L3MBTL4: variants seen among roughly 807,000 people sequenced by gnomAD.
The protein encoded by L3MBTL4 is lethal(3)malignant brain tumor-like protein 4.
A neutral mutation model predicts 84.5 loss-of-function variants in L3MBTL4; 70 were observed. The observed-to-expected ratio is 0.83, with a 90% CI of 0.68 to 1.01. L3MBTL4 has a LOEUF of 1.01. L3MBTL4 is among the 50% of genes least tolerant of loss of function. The probability of loss-of-function intolerance (pLI) is 0.00; values close to 1 mark genes in which losing one functional copy is unlikely to be tolerated. For missense variants in L3MBTL4, 715 were observed against 754.8 expected (o/e 0.95, Z 0.62); for synonymous variants, 274 against 259.8 (o/e 1.05, Z -0.52).
At chr18:6,022,863 G>A (rs1015226177) in intron 16 of L3MBTL4, among the ~76,000 whole-genome samples, 2 of 152,216 alleles carry the variant, frequency 1.3e-5, no homozygotes, top group African/African-American at 4.8e-5. Flanking sequence ...CAAAGGCAGA[G>A]GTGCTGCTGT....
At chr18:6,332,716 G>A (rs2052103940) in intron 1 of L3MBTL4, among the ~76,000 whole-genome samples, 1 of 152,228 alleles carries the variant, frequency 6.6e-6, no homozygotes, top group Non-Finnish European at 1.5e-5. Context: ...AGTGTTGGGA[G>A]TGACTAGCCT....
intron 16 of L3MBTL4, among the ~76,000 whole-genome samples, chr18:5,999,677 A>G (rs368228452): frequency 3.2e-4 from 48 of 152,354 alleles, no homozygotes; most frequent in African/African-American, 1.1e-3. Flanking sequence ...AGGCAGATAA[A>G]TTCCCTAGAT....
chr18:6,044,971 G>C (rs1020576083), intron 16 of L3MBTL4, among the ~76,000 whole-genome samples: 1 of 152,180 alleles, frequency 6.6e-6, no homozygotes, highest in African/African-American at 2.4e-5. Flanking sequence ...CCACCTGCTG[G>C]TGGACAACAG....
At chr18:5,976,843 A>G (rs1318888425) in intron 16 of L3MBTL4, among the ~76,000 whole-genome samples, 1 of 152,212 alleles carries the variant, frequency 6.6e-6, no homozygotes, top group Non-Finnish European at 1.5e-5. Flanking sequence ...TCAGAGTTAG[A>G]GCCACTTTCT....
intron 13 of L3MBTL4, among the ~76,000 whole-genome samples, chr18:6,155,948 T>A (rs1442484026): frequency 6.6e-6 from 1 of 152,108 alleles, no homozygotes; most frequent in Non-Finnish European, 1.5e-5. Context: ...AATAAAACTA[T>A]GACGTATTTT....
At chr18:6,240,146 T>G (rs1343605853) in intron 8 of L3MBTL4, among the ~76,000 whole-genome samples, 1 of 152,180 alleles carries the variant, frequency 6.6e-6, no homozygotes, top group Non-Finnish European at 1.5e-5. Flanking sequence ...CATATTTCCC[T>G]CTTTTTTCTT....
intron 16 of L3MBTL4, among the ~76,000 whole-genome samples, chr18:6,047,025 G>A (rs758752782): frequency 6.6e-5 from 10 of 151,856 alleles, no homozygotes; most frequent in Non-Finnish European, 8.8e-5. Context: ...CAAAGAAACA[G>A]AAAATCCAAA....
rs168228 is a variant in L3MBTL4 at position 6,296,950 on chromosome 18, G to A, written c.127+4953C>T. Among the ~76,000 whole-genome samples the A allele has an allele frequency of 2.8e-3, 421 of 152,286 alleles. 4 individuals are homozygous for A. Among genetic ancestry groups the A allele is most frequent in the African/African-American group, 9.6e-3 (397 of 41,554 alleles). ...CAGGTTGATGATGGTGCTACAGGAC[G>A]AGGGATTATAAGAGAAGCAGACTGA... On this transcript the variant is annotated intron_variant, in intron 4 of 18. Coordinates refer to ENST00000317931, the MANE Select transcript of L3MBTL4 (RefSeq NM_001330559.2).
chr18:6,230,551 A>G (rs370250086), intron 10 of L3MBTL4, among the ~76,000 whole-genome samples: 11 of 152,172 alleles, frequency 7.2e-5, no homozygotes, highest in African/African-American at 2.4e-4. Context: ...ATACACATGC[A>G]TGTGTCTTTA....
chr18:6,225,941 C>T (rs1452942726), intron 10 of L3MBTL4, among the ~76,000 whole-genome samples: 1 of 151,950 alleles, frequency 6.6e-6, no homozygotes, highest in African/African-American at 2.4e-5. Context: ...TAAAAACTGA[C>T]ATAATGCATT....
At position 5,960,060 on chromosome 18, in the gene L3MBTL4, A is replaced by G. The variant is rs200754750; in HGVS notation, c.1677+34T>C. ...TATACACACACATATATATATATAT[A>G]CATATATATATATATAATTTTTGCA... On this transcript the variant is annotated intron_variant, in intron 18 of 18. Transcript: ENST00000317931. 1,325 of 411,302 alleles carry G rather than the reference A, an allele frequency of 3.2e-3. 70 individuals are homozygous for G. Among genetic ancestry groups the G allele is most frequent in the Non-Finnish European group, 4.2e-3 (1,066 of 256,842 alleles). The allele number at this position is 411,302 out of a possible 1,614,324, so 25.5% of individuals were successfully genotyped here.
chr18:6,196,539 G>A (rs1352452155), intron 12 of L3MBTL4, among the ~76,000 whole-genome samples: 1 of 152,078 alleles, frequency 6.6e-6, no homozygotes, highest in East Asian at 1.9e-4. Context: ...TTGGGGCTTT[G>A]GTTCAAATTC....
intron 4 of L3MBTL4, among the ~76,000 whole-genome samples, chr18:6,300,389 A>C (rs2146816639): frequency 6.6e-6 from 1 of 152,334 alleles, no homozygotes; most frequent in South Asian, 2.1e-4. Flanking sequence ...AAGAAGAGTC[A>C]GCCACGGTGC....
intron 4 of L3MBTL4, among the ~76,000 whole-genome samples, chr18:6,267,638 T>C (rs1175371406): frequency 2.6e-5 from 4 of 152,260 alleles, no homozygotes; most frequent in Non-Finnish European, 5.9e-5. Context: ...CTTTAAAAGA[T>C]TGCATGTAAT....
intron 18 of L3MBTL4, among the ~76,000 whole-genome samples, chr18:5,959,465 C>T (rs748504705): frequency 1.3e-4 from 20 of 152,136 alleles, no homozygotes; most frequent in South Asian, 4.1e-4. Context: ...CAGTCTCTTC[C>T]GGGGCCCCTA....
intron 12 of L3MBTL4, among the ~76,000 whole-genome samples, chr18:6,195,370 G>T (rs758723403): frequency 9.2e-5 from 14 of 152,172 alleles, no homozygotes; most frequent in Non-Finnish European, 2.1e-4. Flanking sequence ...TCTGAAGATG[G>T]GCTAATATCC....
intron 1 of L3MBTL4, among the ~76,000 whole-genome samples, chr18:6,389,472 GC>G (rs1345681596): frequency 8.6e-5 from 13 of 152,008 alleles, no homozygotes; most frequent in African/African-American, 3.1e-4. Context: ...AACATAAATT[GC>G]CTAAATGATC....
intron 3 of L3MBTL4, among the ~76,000 whole-genome samples, chr18:6,308,690 G>A (rs190195916): frequency 5.3e-5 from 8 of 152,232 alleles, no homozygotes; most frequent in Non-Finnish European, 7.4e-5. Flanking sequence ...CAGAATGTGC[G>A]CCCATTTGGG....
chr18:6,123,913 G>A (rs2059606100), intron 14 of L3MBTL4, among the ~76,000 whole-genome samples: 1 of 152,198 alleles, frequency 6.6e-6, no homozygotes, highest in Admixed American at 6.5e-5. Flanking sequence ...TGATGTTTAT[G>A]TGTTGGGATC....
Sources: gnomAD v4.1 joint callset for allele counts (sites outside exome capture counted in the v4.1 genomes callset) on GRCh38, gnomAD v4.1.1 for gene constraint, MANE v1.5 for transcripts, NCBI Gene and HGNC (gene_info 2026-07-23, HGNC 2026-07-21) for gene names.